The following HERC4 variants were observed in gnomAD, a reference collection of about 807,000 sequenced individuals.
The protein encoded by HERC4 is probable E3 ubiquitin-protein ligase HERC4.
HERC4 carries 28 observed loss-of-function variants against 124.3 expected under a neutral mutation model. The ratio of observed to expected loss-of-function variants is 0.23; its 90% confidence interval spans 0.17 to 0.31. HERC4 has a LOEUF of 0.31. HERC4 is among the 10% of genes least tolerant of loss of function. The pLI, the probability that HERC4 is intolerant of heterozygous loss-of-function variation, is 1.00. For missense variants in HERC4, 713 were observed against 1,229.3 expected, an observed-to-expected ratio of 0.58 and a Z score of 6.28; for synonymous variants, 407 against 421.5, an observed-to-expected ratio of 0.97 and a Z score of 0.42.
chr10:68,036,401 A>G (rs559925051), intron 5 of HERC4, among the ~76,000 whole-genome samples: 8 of 152,144 alleles, frequency 5.3e-5, no homozygotes, highest in Non-Finnish European at 1.0e-4. Flanking sequence ...AAAAAGGTCA[A>G]TATGAAAAAC....
chr10:67,981,441 C>G (rs1436450504), intron 15 of HERC4, among the ~76,000 whole-genome samples: 15 of 152,076 alleles, frequency 9.9e-5, no homozygotes. Flanking sequence ...ATAGATGAAG[C>G]CTTCAACACT....
chr10:68,070,746 T>C (rs1312910480), intron 3 of HERC4: 1 of 152,186 alleles, frequency 6.6e-6, no homozygotes, highest in Non-Finnish European at 1.5e-5. Context: ...TTCACTTCAA[T>C]ATATCATCGA....
At chr10:67,955,219 G>C (rs2034062315) in intron 17 of HERC4, 89 bp from the exon 18 acceptor site, 2 of 1,112,750 alleles carry the variant, frequency 1.8e-6, no homozygotes, top group Non-Finnish European at 1.3e-6. Flanking sequence ...ATTAGTTACA[G>C]GTATTCTATA....
intron 9 of HERC4, chr10:67,993,522 T>C (rs1401651989): frequency 6.9e-6 from 1 of 145,048 alleles, no homozygotes; most frequent in East Asian, 2.4e-4. Flanking sequence ...AAGACCCATC[T>C]CTAAAAAAAA....
intron 15 of HERC4, among the ~76,000 whole-genome samples, chr10:67,971,839 A>G (rs1260841102): frequency 6.6e-6 from 1 of 152,210 alleles, no homozygotes; most frequent in African/African-American, 2.4e-5. Context: ...AAAAAGCCAA[A>G]TGAATCAATC....
chr10:67,930,086 G>A (rs919365745), intron 23 of HERC4, among the ~76,000 whole-genome samples: 7 of 152,128 alleles, frequency 4.6e-5, no homozygotes, highest in East Asian at 3.9e-4. Flanking sequence ...GATTACAGGC[G>A]TGAGCCACCG....
Position 67,988,833 on chromosome 10 carries a change from T to C in HERC4, c.1636A>G (p.Asn546Asp). The C allele has an allele frequency of 6.3e-7, 1 of 1,579,640 alleles. No homozygotes were observed. Among genetic ancestry groups the C allele is most frequent in the Non-Finnish European group, 8.6e-7 (1 of 1,168,366 alleles). Residue 546 changes from asparagine (N) to aspartate (D), a missense_variant and splice_region_variant, in exon 15 of 25, where the codon AAC (asparagine) becomes GAC (aspartate). Transcript: ENST00000373700. Reference sequence around the variant, plus strand: ...GGAGGTTCAAGTACTGACCACCAGTTTTCTGTTATTAAAAAGTGAACATGC... The same window carrying C: ...GGAGGTTCAAGTACTGACCACCAGTCTTCTGTTATTAAAAAGTGAACATGC... ...LEKAPLKVLE[N>D]WWSVLEPPLF...
chr10:68,039,503 A>C, intron 4 of HERC4: 1 of 1,550,600 alleles, frequency 6.4e-7, no homozygotes, highest in Non-Finnish European at 8.7e-7. Context: ...AGCAAATCAA[A>C]GTTTGAGCAG....
intron 8 of HERC4, among the ~76,000 whole-genome samples, chr10:68,020,768 CAAA>C (rs149936767): frequency 7.9e-5 from 7 of 88,480 alleles, no homozygotes; most frequent in Admixed American, 1.2e-4. Flanking sequence ...GACTCCGTCT[CAAA>C]AAAAAAAAAA....
intron 21 of HERC4, among the ~76,000 whole-genome samples, chr10:67,939,171 T>C (rs1331172181): frequency 1.3e-5 from 2 of 152,244 alleles, no homozygotes; most frequent in Non-Finnish European, 2.9e-5. Flanking sequence ...AGTTTAGTAG[T>C]AATATTCTCA....
intron 3 of HERC4, among the ~76,000 whole-genome samples, chr10:68,059,912 TTA>T (rs1433637477): frequency 8.3e-6 from 1 of 120,514 alleles, no homozygotes; most frequent in Non-Finnish European, 1.6e-5. Flanking sequence ...TTATATAATA[TTA>T]TATATCATAA....
intron 19 of HERC4, among the ~76,000 whole-genome samples, chr10:67,950,675 G>C (rs990673330): frequency 7.2e-5 from 11 of 152,218 alleles, no homozygotes; most frequent in Non-Finnish European, 1.5e-4. Flanking sequence ...AAGAAGGCTA[G>C]AGTAAATTCT....
chr10:67,988,491 A>C (rs979441430), intron 15 of HERC4, among the ~76,000 whole-genome samples, 172 bp downstream of exon 15: 1 of 152,078 alleles, frequency 6.6e-6, no homozygotes, highest in Non-Finnish European at 1.5e-5. Context: ...AGAGCTCCAA[A>C]GGACAGGTTT....
chr10:67,952,714 C>T (rs371777240), intron 19 of HERC4, among the ~76,000 whole-genome samples: 13 of 151,874 alleles, frequency 8.6e-5, no homozygotes, highest in African/African-American at 2.7e-4. Flanking sequence ...CTGGCTAACA[C>T]GGTGAAACCC....
chr10:68,036,129 A>G (rs1347553638), intron 5 of HERC4, among the ~76,000 whole-genome samples: 2 of 151,888 alleles, frequency 1.3e-5, no homozygotes, highest in Non-Finnish European at 2.9e-5. Context: ...CCTGGCTAAC[A>G]CAGTGAAACT....
chr10:67,979,806 G>A (rs1474104043), intron 15 of HERC4, among the ~76,000 whole-genome samples: 6 of 152,098 alleles, frequency 3.9e-5, no homozygotes, highest in East Asian at 1.9e-4. Flanking sequence ...GTGTGGCGGC[G>A]GGCACCTGTA....
intron 8 of HERC4, among the ~76,000 whole-genome samples, chr10:68,023,603 TAAAAAG>T (rs2038755718): frequency 6.6e-6 from 1 of 152,108 alleles, no homozygotes; most frequent in Non-Finnish European, 1.5e-5. Context: ...TTTTGCAAGA[TAAAAAG>T]AATTCTAGAG....
At chr10:68,072,815 T>C in intron 3 of HERC4, 68 bp downstream of exon 3, 1 of 1,096,424 alleles carries the variant, frequency 9.1e-7, no homozygotes, top group Non-Finnish European at 1.3e-6. Context: ...AGAGAAATTA[T>C]ACGATGATTC....
At chr10:67,941,885 A>C (rs1316882470) in intron 19 of HERC4, among the ~76,000 whole-genome samples, 1 of 151,650 alleles carries the variant, frequency 6.6e-6, no homozygotes, top group Non-Finnish European at 1.5e-5. Context: ...CAAACTCCTG[A>C]CCTCAGGTGA....
Sources: gnomAD v4.1 joint callset for allele counts (sites outside exome capture counted in the v4.1 genomes callset) on GRCh38, gnomAD v4.1.1 for gene constraint, MANE v1.5 for transcripts, NCBI Gene and HGNC (gene_info 2026-07-23, HGNC 2026-07-21) for gene names.